Variants in SHISA9 observed in about 807,000 individuals in gnomAD.
SHISA9 encodes shisa family member 9.
A neutral mutation model predicts 38.0 loss-of-function variants in SHISA9; 13 were observed. The ratio of observed to expected loss-of-function variants is 0.34; its 90% CI spans 0.22 to 0.54. SHISA9 has a LOEUF of 0.54. Ranked by LOEUF, SHISA9 falls within the 20% of genes least tolerant of loss-of-function variation. The probability of loss-of-function intolerance (pLI) is 0.91; values close to 1 mark genes in which losing one functional copy is unlikely to be tolerated. For synonymous variants in SHISA9, 275 were observed against 242.0 expected (o/e 1.14, Z -1.27); for missense variants, 538 against 575.8 (o/e 0.93, Z 0.67).
intron 2 of SHISA9, among the ~76,000 whole-genome samples, chr16:12,973,663 T>C (rs541247637): frequency 1.3e-5 from 2 of 152,336 alleles, no homozygotes; most frequent in Non-Finnish European, 1.5e-5. Context: ...ATGTAACACA[T>C]TGAACTTTTC....
At chr16:12,913,495 C>T (rs2071213393) in intron 1 of SHISA9, among the ~76,000 whole-genome samples, 1 of 152,186 alleles carries the variant, frequency 6.6e-6, no homozygotes, top group African/African-American at 2.4e-5. Context: ...CTGCAACCAG[C>T]CCATTTTTGT....
chr16:13,229,107 C>A (rs997602263), intron 4 of SHISA9, among the ~76,000 whole-genome samples: 1 of 152,186 alleles, frequency 6.6e-6, no homozygotes, highest in Non-Finnish European at 1.5e-5. Context: ...CTGTAGTGAG[C>A]TAAGACTGTG....
At chr16:13,532,219 C>A in the SHISA9 span, among the ~76,000 whole-genome samples, 1 of 152,148 alleles carries the variant, frequency 6.6e-6, no homozygotes, top group South Asian at 2.1e-4. Context: ...AGGTTGTTAA[C>A]CCCCAAGAAC....
chr16:12,932,762 T>C (rs2071478413), intron 2 of SHISA9, among the ~76,000 whole-genome samples: 1 of 152,106 alleles, frequency 6.6e-6, no homozygotes, highest in Non-Finnish European at 1.5e-5. Flanking sequence ...CCATCCAGAG[T>C]AGGCAAGTAG....
the SHISA9 span, among the ~76,000 whole-genome samples, chr16:13,506,611 T>C: frequency 6.6e-6 from 1 of 152,144 alleles, no homozygotes; most frequent in Non-Finnish European, 1.5e-5. Context: ...GTTGAGAATG[T>C]GCCTGGCATG....
chr16:13,048,402 AC>A (rs896886839), intron 2 of SHISA9, among the ~76,000 whole-genome samples: 1 of 152,174 alleles, frequency 6.6e-6, no homozygotes, highest in African/African-American at 2.4e-5. Flanking sequence ...CTTTTGAGCC[AC>A]CAAAAATAGT....
chr16:13,441,996 C>T, the SHISA9 span, among the ~76,000 whole-genome samples: 5 of 152,220 alleles, frequency 3.3e-5, no homozygotes, highest in Admixed American at 2.6e-4. Flanking sequence ...CAGCTGCCTC[C>T]AGGGCCTGAC....
chr16:13,271,375 A>G, the SHISA9 span, among the ~76,000 whole-genome samples: 2 of 152,198 alleles, frequency 1.3e-5, no homozygotes, highest in Non-Finnish European at 1.5e-5. Flanking sequence ...CATCATGTGT[A>G]GCCAGGCTTG....
the SHISA9 span, among the ~76,000 whole-genome samples, chr16:13,259,999 C>CTTTA: frequency 1.2e-5 from 1 of 80,492 alleles, no homozygotes; most frequent in African/African-American, 4.5e-5. Flanking sequence ...TTTTTCTTTT[C>CTTTA]TTTCTTTCTT....
At chr16:12,908,683 C>CA (rs1348310125) in intron 1 of SHISA9, 1 of 1,522,980 alleles carries the variant, frequency 6.6e-7, no homozygotes, top group African/African-American at 1.4e-5. Context: ...GCCCTGCAAA[C>CA]AACAGCTCAT....
chr16:13,061,518 G>A (rs2073375793), intron 2 of SHISA9, among the ~76,000 whole-genome samples: 2 of 152,156 alleles, frequency 1.3e-5, no homozygotes, highest in Admixed American at 1.3e-4. Flanking sequence ...GGGAACTTGG[G>A]TATAAGGCCA....
chr16:13,384,997 A>G, the SHISA9 span, among the ~76,000 whole-genome samples: 1 of 152,238 alleles, frequency 6.6e-6, no homozygotes. Flanking sequence ...AAACAATTCA[A>G]TCAGAAAATG....
At chr16:13,229,072 A>C (rs942817062) in intron 4 of SHISA9, among the ~76,000 whole-genome samples, 3 of 152,250 alleles carry the variant, frequency 2.0e-5, no homozygotes, top group African/African-American at 7.2e-5. Context: ...AGACAGGAGA[A>C]TCACTTCAGC....
chr16:13,462,406 A>T, the SHISA9 span, among the ~76,000 whole-genome samples: 1 of 152,344 alleles, frequency 6.6e-6, no homozygotes, highest in South Asian at 2.1e-4. Context: ...CAGAGGCCTG[A>T]AGAAAACAGG....
At chr16:12,917,611 A>G (rs952426754) in intron 2 of SHISA9, among the ~76,000 whole-genome samples, 2 of 152,230 alleles carry the variant, frequency 1.3e-5, no homozygotes, top group Admixed American at 1.3e-4. Context: ...GACTGGAGAA[A>G]AAATAAGATT....
chr16:13,375,435 T>C, the SHISA9 span, among the ~76,000 whole-genome samples: 1 of 152,172 alleles, frequency 6.6e-6, no homozygotes, highest in African/African-American at 2.4e-5. Flanking sequence ...GGGAATCCTT[T>C]CCCCATTTCT....
At chr16:13,349,800 G>T in the SHISA9 span, among the ~76,000 whole-genome samples, 1 of 152,150 alleles carries the variant, frequency 6.6e-6, no homozygotes, top group Non-Finnish European at 1.5e-5. Context: ...GGTTACTTTT[G>T]TTTAGATGAA....
At chr16:13,544,429 G>GTT in the SHISA9 span, among the ~76,000 whole-genome samples, 25,340 of 101,970 alleles carry the variant, frequency 0.25, 3,918 homozygotes, top group East Asian at 0.48. Flanking sequence ...TTTTTTTCTT[G>GTT]TTTTTTTTTT....
the SHISA9 span, among the ~76,000 whole-genome samples, chr16:13,393,679 G>T: frequency 6.6e-6 from 1 of 152,032 alleles, no homozygotes; most frequent in East Asian, 1.9e-4. Context: ...ATAAAAGACT[G>T]TGTGAGCCTT....
Sources: allele counts gnomAD v4.1 joint callset (sites outside exome capture counted in the v4.1 genomes callset), GRCh38; gene constraint gnomAD v4.1.1; transcripts MANE v1.5; gene names NCBI Gene and HGNC (gene_info 2026-07-23, HGNC 2026-07-21).